UGT1A4: variants seen among roughly 807,000 people sequenced by gnomAD.
UGT1A4 encodes UDP-glucuronosyltransferase 1A4.
Under a neutral mutation model 41.1 loss-of-function variants are expected in UGT1A4, and 32 were observed. The observed-to-expected ratio is 0.78, with a 90% CI of 0.59 to 1.05. The LOEUF (loss-of-function observed/expected upper bound fraction) is 1.05. Ranked by LOEUF, UGT1A4 falls within the 50% of genes least tolerant of loss-of-function variation. The pLI is 0.00. For synonymous variants in UGT1A4, 283 were observed against 265.1 expected, an observed-to-expected ratio of 1.07 and a Z score of -0.66; for missense variants, 748 against 677.4, an observed-to-expected ratio of 1.10 and a Z score of -1.16.
intron 1 of UGT1A4, chr2:233,747,072 T>G: frequency 9.8e-7 from 1 of 1,024,480 alleles, no homozygotes; most frequent in South Asian, 1.7e-5. Flanking sequence ...TCGGTAATAA[T>G]TAACTAGGAG....
At chr2:233,724,187 G>T (rs1459882110) in intron 1 of UGT1A4, among the ~76,000 whole-genome samples, 6 of 123,410 alleles carry the variant, frequency 4.9e-5, no homozygotes, top group African/African-American at 1.1e-4. Flanking sequence ...CCTCCCGGAC[G>T]GGGTGGCTGG....
intron 1 of UGT1A4, among the ~76,000 whole-genome samples, chr2:233,752,890 C>G (rs537828663): frequency 5.9e-5 from 9 of 152,204 alleles, no homozygotes; most frequent in African/African-American, 1.7e-4. Flanking sequence ...AACTAGCCAG[C>G]GTTGTTACAG....
intron 1 of UGT1A4, among the ~76,000 whole-genome samples, chr2:233,726,156 G>T (rs1332003910): frequency 1.3e-5 from 2 of 152,114 alleles, no homozygotes; most frequent in Non-Finnish European, 2.9e-5. Flanking sequence ...ACAGAGTGAG[G>T]CCCCATTTCA....
intron 1 of UGT1A4, chr2:233,730,112 T>C (rs933459456): frequency 6.4e-7 from 1 of 1,565,128 alleles, no homozygotes; most frequent in Admixed American, 1.8e-5. Context: ...TTTCTGCTTC[T>C]CCTTGTCATA....
At chr2:233,741,895 C>T (rs1371352009) in intron 1 of UGT1A4, 1 of 151,808 alleles carries the variant, frequency 6.6e-6, no homozygotes, top group African/African-American at 2.4e-5. Flanking sequence ...GAAGAAGGGA[C>T]CCTTTGTGAT....
intron 3 of UGT1A4, 36 bp from the exon 4 acceptor site, chr2:233,768,184 T>A: frequency 6.2e-7 from 1 of 1,614,044 alleles, no homozygotes; most frequent in Non-Finnish European, 8.5e-7. Flanking sequence ...AACTCAGAGA[T>A]GTAACTGCTG....
At chr2:233,738,677 A>C (rs1328958529) in intron 1 of UGT1A4, among the ~76,000 whole-genome samples, 2 of 152,316 alleles carry the variant, frequency 1.3e-5, no homozygotes, top group East Asian at 3.9e-4. Flanking sequence ...AGATGATCTG[A>C]AATTGGAACT....
intron 1 of UGT1A4, chr2:233,755,063 G>A (rs776771090): frequency 2.2e-6 from 3 of 1,334,780 alleles, no homozygotes; most frequent in South Asian, 1.1e-5. Flanking sequence ...CCCTCGCCTC[G>A]CCATAGCGGT....
chr2:233,756,049 A>G (rs1408892544), intron 1 of UGT1A4: 1 of 152,200 alleles, frequency 6.6e-6, no homozygotes, highest in Admixed American at 6.5e-5. Flanking sequence ...GGAAAACTCC[A>G]CTGTACACTT....
chr2:233,733,236 C>T (rs982888781), intron 1 of UGT1A4, among the ~76,000 whole-genome samples: 9 of 152,278 alleles, frequency 5.9e-5, no homozygotes, highest in African/African-American at 2.2e-4. Context: ...TCTAAATATA[C>T]AATCATGTCA....
At position 233,729,868 on chromosome 2, in the gene UGT1A4, A is replaced by C. The variant is rs754430297; in HGVS notation, c.867+10181A>C. On this transcript the variant is annotated intron_variant, in intron 1 of 4. Coordinates refer to ENST00000373409, the MANE Select transcript of UGT1A4 (RefSeq NM_007120.3). ...TCAGAGAGAGGTGTCAGTGGTGGAT[A>C]TTCTCAGTCATGCATCTGTGTGGCT... is the stretch of plus-strand genomic sequence containing the variant. The C allele has an allele frequency of 2.6e-5, 42 of 1,613,556 alleles. No individual in the cohort carries two copies. The highest frequency in any genetic ancestry group is 8.3e-5 in the Admixed American group (5 of 59,972).
rs6742078 is a variant in UGT1A4, at chr2:233,763,993, G to T, written c.868-3041G>T. ...TGTGGGTTACTGGGAATGCGTGATG[G>T]TGAAGTCACAGATGACCCACATGGT... On this transcript the variant is annotated intron_variant, in intron 1 of 4. Transcript: ENST00000373409. 0.36 allele frequency among the ~76,000 whole-genome samples: 54,149 copies of T among 152,126 alleles called. 9,972 individuals carry two copies. Among genetic ancestry groups the T allele is most frequent in the African/African-American group, 0.43 (17,876 of 41,508 alleles).
At chr2:233,759,585 G>C in intron 1 of UGT1A4, among the ~76,000 whole-genome samples, 1 of 148,700 alleles carries the variant, frequency 6.7e-6, no homozygotes, top group Non-Finnish European at 1.5e-5. Context: ...ACCCCAGCAC[G>C]CCCCCCACCC....
chr2:233,743,440 G>C (rs192671736), intron 1 of UGT1A4: 1 of 1,361,822 alleles, frequency 7.3e-7, no homozygotes, highest in South Asian at 1.1e-5. Context: ...ACGAAATCCT[G>C]TATCAAAAGA....
intron 1 of UGT1A4, among the ~76,000 whole-genome samples, chr2:233,747,015 G>T (rs911515983): frequency 6.6e-6 from 1 of 151,822 alleles, no homozygotes; most frequent in Non-Finnish European, 1.5e-5. Context: ...AGGAGTGATC[G>T]GTCTTTCCCG....
At chr2:233,735,687 T>C (rs1251778606) in intron 1 of UGT1A4, among the ~76,000 whole-genome samples, 1 of 152,148 alleles carries the variant, frequency 6.6e-6, no homozygotes, top group African/African-American at 2.4e-5. Flanking sequence ...CTTTAGGAGC[T>C]CTTGTAAGGC....
At chr2:233,767,657 C>T (rs1486356449) in intron 2 of UGT1A4, among the ~76,000 whole-genome samples, 192 bp from the exon 3 acceptor site, 2 of 152,174 alleles carry the variant, frequency 1.3e-5, no homozygotes, top group Non-Finnish European at 2.9e-5. Flanking sequence ...AGTGCATACA[C>T]CCTTGTAACT....
Position 233,772,271 on chromosome 2 carries a change from G to A in UGT1A4, c.1317G>A (p.Glu439=). The A allele has an allele frequency of 6.2e-7, 1 of 1,614,244 alleles. No individual in the cohort carries two copies. Among genetic ancestry groups the A allele is most frequent in the Non-Finnish European group, 8.5e-7 (1 of 1,180,050 alleles). Residue 439 remains glutamate, a synonymous_variant, in exon 5 of 5, where the codon GAG becomes GAA. Transcript: ENST00000373409. The stretch of plus-strand genomic sequence containing the variant: ...CTGTCTTTGTGTTTAGTTACAAGGA[G>A]AACATCATGCGCCTCTCCAGCCTTC... ...KAVINDKSYK[E]NIMRLSSLHK...
rs145239529 is a variant in UGT1A4, at chr2:233,769,464, C to CGT, written c.1307+1039_1307+1040dup. ...GGGTGCACACGTGTGCATTCATATGCGTGTGTGTGTGTGTGCGTGTGTTTA... is the reference window on the plus strand; with the variant it reads ...GGGTGCACACGTGTGCATTCATATGCGTGTGTGTGTGTGTGTGCGTGTGTTTA... On this transcript the variant is annotated intron_variant, in intron 4 of 4. Coordinates refer to ENST00000373409, the MANE Select transcript of UGT1A4 (RefSeq NM_007120.3). This position sits in a 1 kb window ranked among gnomAD's most constrained non-coding sequence, Gnocchi z 4.4. 1.1e-3 allele frequency: 1,584 copies of CGT among 1,481,010 alleles called. 6 individuals are homozygous for CGT. The African/African-American group carries it at 0.012, about 11-fold the overall frequency. 91.7% of individuals were successfully genotyped at this position (1,481,010 alleles called of 1,614,324 possible).
Sources: allele counts gnomAD v4.1 joint callset (sites outside exome capture counted in the v4.1 genomes callset), GRCh38; gene constraint gnomAD v4.1.1; non-coding constraint Gnocchi (gnomAD v3.1); transcripts MANE v1.5; gene names NCBI Gene and HGNC (gene_info 2026-07-23, HGNC 2026-07-21).